NFU1: variants seen among roughly 807,000 people sequenced by gnomAD.
NFU1 encodes the protein NFU1 iron-sulfur cluster scaffold homolog, mitochondrial.
In NFU1, 30 loss-of-function variants were observed where a neutral mutation model predicts 32.2. That is an observed-to-expected ratio of 0.93 (90% CI 0.70 to 1.26). The LOEUF is 1.26. Ranked by LOEUF, NFU1 falls within the 50% of genes most tolerant of loss-of-function variation. NFU1 has a pLI of 0.00. For synonymous variants in NFU1, 112 were observed against 104.6 expected, an observed-to-expected ratio of 1.07 and a Z score of -0.43; for missense variants, 306 against 306.6, an observed-to-expected ratio of 1.00 and a Z score of 0.02.
chr2:69,402,736 C>G (rs1456519318), intron 6 of NFU1, among the ~76,000 whole-genome samples: 2 of 152,090 alleles, frequency 1.3e-5, no homozygotes, highest in Non-Finnish European at 2.9e-5. Context: ...TGCCCGCCAC[C>G]ATGCGTGGCT....
Position 69,400,488 on chromosome 2 carries a change from T to C in NFU1, c.596A>G (p.Asp199Gly). Residue 199 changes from aspartate (D) to glycine (G), a missense_variant, in exon 7 of 8, where the codon GAT becomes GGT. Physicochemically the swap from Asp to Gly is moderately conservative, Grantham distance 94 (BLOSUM62 -1). Transcript: ENST00000410022. Reference protein sequence around the residue: ...GGDVIYKGFEDGIVQLKLQGS... With the variant: ...GGDVIYKGFEGGIVQLKLQGS... ...CTGGAGTTTCAGCTGTACAATGCCA[T>C]CTTCAAAGCCTTTGTAGATTACATC... is the stretch of plus-strand genomic sequence containing the variant. 6.2e-7 allele frequency: 1 copy of C among 1,614,160 alleles called. No homozygotes were observed. Among genetic ancestry groups the C allele is most frequent in the Non-Finnish European group, 8.5e-7 (1 of 1,180,032 alleles).
At position 69,400,374 on chromosome 2, in the gene NFU1, C is replaced by T; in HGVS notation, c.710G>A (p.Gly237Asp). 1 of 1,613,954 alleles carries T rather than the reference C, an allele frequency of 6.2e-7. No homozygotes were observed. Among genetic ancestry groups the T allele is most frequent in the Non-Finnish European group, 8.5e-7 (1 of 1,179,864 alleles). ...ATAATATTGGCATACCTGTTCTACG[C>T]CTTCTACCTCCGGAATATAAAACTG... is the stretch of plus-strand genomic sequence containing the variant. ...MLQFYIPEVE[G>D]VEQVMDDESD... The change falls in exon 7 of 8, where the codon GGC becomes GAC. Residue 237 changes from glycine to aspartate, a missense_variant. Coordinates refer to ENST00000410022, the MANE Select transcript of NFU1 (RefSeq NM_001002755.4).
intron 5 of NFU1, among the ~76,000 whole-genome samples, chr2:69,412,632 G>T (rs191325192): frequency 6.6e-6 from 1 of 151,964 alleles, no homozygotes; most frequent in Non-Finnish European, 1.5e-5. Flanking sequence ...TGATCCACCC[G>T]CCTCGGCCTC....
chr2:69,413,111 C>T (rs371108451), intron 5 of NFU1, among the ~76,000 whole-genome samples: 1 of 150,918 alleles, frequency 6.6e-6, no homozygotes, highest in Non-Finnish European at 1.5e-5. Flanking sequence ...ATGGTGAAAC[C>T]CCGTCTCTAC....
rs1206130706 is a variant in NFU1, at chr2:69,407,819, C to A, written c.485-1737G>T. ...CCTGAGGTCAGGAGTTTGAGACCAG[C>A]CTGGCCAACATGGTAAAACCCTGTC... On this transcript the variant is annotated intron_variant, in intron 5 of 7. Coordinates refer to ENST00000410022, the MANE Select transcript of NFU1 (RefSeq NM_001002755.4). 2.0e-5 allele frequency among the ~76,000 whole-genome samples: 3 copies of A among 151,806 alleles called. No individual in the cohort carries two copies. In the East Asian group the frequency reaches 5.8e-4, roughly 29 times the overall value.
intron 5 of NFU1, chr2:69,410,688 T>G (rs1574123069): frequency 6.6e-6 from 1 of 152,324 alleles, no homozygotes; most frequent in East Asian, 1.9e-4. Flanking sequence ...AAGAACGCTT[T>G]ATGATAACAA....
intron 2 of NFU1, among the ~76,000 whole-genome samples, chr2:69,426,505 C>T (rs1225442524): frequency 2.6e-5 from 4 of 151,592 alleles, no homozygotes; most frequent in Non-Finnish European, 5.9e-5. Flanking sequence ...AGGCTAATCT[C>T]GAACTCCTGA....
intron 1 of NFU1, among the ~76,000 whole-genome samples, chr2:69,435,927 T>C (rs989884498): frequency 4.0e-5 from 6 of 150,878 alleles, no homozygotes; most frequent in Non-Finnish European, 8.9e-5. Flanking sequence ...TTTTTTTTTT[T>C]TTTTTTTAGT....
rs199927640 is a variant in NFU1, at chr2:69,431,894, A to T, written c.166+8T>A. 5.5e-4 allele frequency: 863 copies of T among 1,580,934 alleles called. 2 individuals carry two copies. The highest frequency in any genetic ancestry group is 3.2e-4 in the Non-Finnish European group (371 of 1,149,852). On this transcript the variant is annotated splice_region_variant and intron_variant, in intron 2 of 7. Transcript: ENST00000410022. Reference sequence around the variant, plus strand: ...AACACAACTGCTATAAAAGAGGTGAAATTTTACCTGGGTGATAAAAGGCTG... The same window carrying T: ...AACACAACTGCTATAAAAGAGGTGATATTTTACCTGGGTGATAAAAGGCTG...
At chr2:69,396,611 C>CT (rs1226620831) in intron 7 of NFU1, among the ~76,000 whole-genome samples, 1 of 151,452 alleles carries the variant, frequency 6.6e-6, no homozygotes, top group Non-Finnish European at 1.5e-5. Context: ...CGAGATCGCG[C>CT]CACTGCACTC....
chr2:69,435,167 G>A (rs547181448), intron 1 of NFU1, among the ~76,000 whole-genome samples: 4 of 152,282 alleles, frequency 2.6e-5, no homozygotes, highest in South Asian at 4.1e-4. Flanking sequence ...CTTTATAAAG[G>A]TGGTTTAATT....
intron 5 of NFU1, among the ~76,000 whole-genome samples, chr2:69,406,510 G>T (rs1672699783): frequency 6.6e-6 from 1 of 152,130 alleles, no homozygotes; most frequent in African/African-American, 2.4e-5. Flanking sequence ...CAATTTACTG[G>T]TTTTCAAAAT....
At chr2:69,409,399 C>T (rs1041888222) in intron 5 of NFU1, among the ~76,000 whole-genome samples, 6 of 152,030 alleles carry the variant, frequency 3.9e-5, no homozygotes, top group African/African-American at 1.4e-4. Context: ...TTTCAGTGAA[C>T]ATGTTTCTAC....
chr2:69,405,884 C>A, intron 6 of NFU1, 138 bp downstream of exon 6: 1 of 640,484 alleles, frequency 1.6e-6, no homozygotes, highest in Non-Finnish European at 2.8e-6. Flanking sequence ...TCAATTGTCA[C>A]GGCTACCTGT....
chr2:69,413,675 C>G (rs1414063954), intron 5 of NFU1, among the ~76,000 whole-genome samples: 1 of 152,178 alleles, frequency 6.6e-6, no homozygotes, highest in African/African-American at 2.4e-5. Flanking sequence ...AGAAGGATCG[C>G]TTGAACCTGG....
rs773547774 is a variant in NFU1, at chr2:69,437,392, C to G, written c.31G>C (p.Ala11Pro). 5.6e-6 allele frequency: 9 copies of G among 1,609,712 alleles called. No individual in the cohort carries two copies. The highest frequency in any genetic ancestry group is 5.9e-6 in the Non-Finnish European group (7 of 1,179,316). Residue 11 changes from alanine (A) to proline (P), a missense_variant, in exon 1 of 8, where the codon GCT becomes CCT. Physicochemically the swap from Ala to Pro is conservative, Grantham distance 27. Transcript: ENST00000410022. ...CGCAGCCCGGCGGCAACAGCCGCAGCTCCCCAGCCCCGCCTGGCCGTCGCC... is the reference window on the plus strand; with the variant it reads ...CGCAGCCCGGCGGCAACAGCCGCAGGTCCCCAGCCCCGCCTGGCCGTCGCC... MAATARRGWG[A>P]AAVAAGLRRR...
At chr2:69,410,602 G>A in intron 5 of NFU1, among the ~76,000 whole-genome samples, 1 of 152,182 alleles carries the variant, frequency 6.6e-6, no homozygotes, top group Admixed American at 6.5e-5. Context: ...AATTAAGTGA[G>A]TTTATACTTG....
chr2:69,410,126 C>T (rs748474271), intron 5 of NFU1, among the ~76,000 whole-genome samples: 15 of 152,230 alleles, frequency 9.9e-5, no homozygotes, highest in African/African-American at 3.4e-4. Flanking sequence ...AGGTGGTTCA[C>T]GCCCATAATC....
intron 4 of NFU1, chr2:69,416,024 A>G (rs1425618729): frequency 6.6e-6 from 1 of 151,964 alleles, no homozygotes; most frequent in African/African-American, 2.4e-5. Flanking sequence ...AAGCAGCAGA[A>G]AAAAGGAAAG....
Sources: gnomAD v4.1 joint callset for allele counts (sites outside exome capture counted in the v4.1 genomes callset) on GRCh38, gnomAD v4.1.1 for gene constraint, MANE v1.5 for transcripts, NCBI Gene and HGNC (gene_info 2026-07-23, HGNC 2026-07-21) for gene names.